SHLD2: variants seen among roughly 807,000 people sequenced by gnomAD.
SHLD2 encodes the protein RINN1-REV7-interacting novel NHEJ regulator 2.
Under a neutral mutation model 73.2 loss-of-function variants are expected in SHLD2, and 30 were observed. That is an observed-to-expected ratio of 0.41 (90% CI 0.31 to 0.56). The LOEUF (loss-of-function observed/expected upper bound fraction) is 0.56, where lower values mean the gene tolerates loss of function less well. Ranked by LOEUF, SHLD2 falls within the 20% of genes least tolerant of loss-of-function variation. SHLD2 has a pLI of 0.28. For missense variants in SHLD2, 745 were observed against 1,055.9 expected (o/e 0.71, Z 4.08); for synonymous variants, 285 against 370.1 (o/e 0.77, Z 2.64).
At chr10:87,134,976 G>A (rs912200069) in intron 2 of SHLD2, among the ~76,000 whole-genome samples, 1 of 152,140 alleles carries the variant, frequency 6.6e-6, no homozygotes, top group African/African-American at 2.4e-5. Context: ...ACCAAACTCT[G>A]ACCGTCGTGC....
chr10:87,147,632 A>T (rs1010982554), intron 2 of SHLD2, among the ~76,000 whole-genome samples: 1 of 151,942 alleles, frequency 6.6e-6, no homozygotes, highest in Non-Finnish European at 1.5e-5. Flanking sequence ...TGGGTAAGGC[A>T]ATTAGGGCAG....
At chr10:87,182,562 C>CA (rs1463286859) in intron 8 of SHLD2, among the ~76,000 whole-genome samples, 4 of 152,180 alleles carry the variant, frequency 2.6e-5, no homozygotes, top group Non-Finnish European at 5.9e-5. Flanking sequence ...TCATAAAACT[C>CA]AAATACCATT....
intron 2 of SHLD2, among the ~76,000 whole-genome samples, chr10:87,144,680 G>A (rs926170067): frequency 7.8e-6 from 1 of 127,924 alleles, no homozygotes; most frequent in Admixed American, 9.2e-5. Context: ...AGGCTGGAAT[G>A]CAGTGGCGCA....
chr10:87,122,175 A>C, intron 2 of SHLD2, among the ~76,000 whole-genome samples: 1 of 78,058 alleles, frequency 1.3e-5, no homozygotes, highest in East Asian at 2.3e-3. Context: ...CTGACTGTCA[A>C]AAAAAAAAAA....
intron 2 of SHLD2, among the ~76,000 whole-genome samples, chr10:87,134,349 T>C (rs907725336): frequency 6.6e-6 from 1 of 152,202 alleles, no homozygotes; most frequent in African/African-American, 2.4e-5. Context: ...AACCCGTGGT[T>C]GCTCTAGGAT....
chr10:87,135,703 A>G (rs1472319779), intron 2 of SHLD2, among the ~76,000 whole-genome samples: 1 of 141,116 alleles, frequency 7.1e-6, no homozygotes, highest in Non-Finnish European at 1.5e-5. Flanking sequence ...GTCTCACTGT[A>G]TTGCCTAGGC....
At chr10:87,098,505 C>T (rs1337328881) in intron 2 of SHLD2, among the ~76,000 whole-genome samples, 1 of 147,060 alleles carries the variant, frequency 6.8e-6, no homozygotes, top group Admixed American at 6.8e-5. Flanking sequence ...AAGAATGAAA[C>T]TCCATCTCAA....
chr10:87,140,277 G>A (rs1845093635), intron 2 of SHLD2, among the ~76,000 whole-genome samples: 1 of 151,848 alleles, frequency 6.6e-6, no homozygotes, highest in East Asian at 1.9e-4. Context: ...AAAATTAGCT[G>A]GGCTTGGTGG....
chr10:87,105,975 A>G (rs1842569074), intron 2 of SHLD2, among the ~76,000 whole-genome samples: 2 of 152,176 alleles, frequency 1.3e-5, no homozygotes, highest in African/African-American at 4.8e-5. Flanking sequence ...CCAGCCAGGA[A>G]GAAAGGTAGA....
intron 2 of SHLD2, among the ~76,000 whole-genome samples, chr10:87,111,680 G>A (rs959931099): frequency 2.1e-5 from 3 of 144,752 alleles, no homozygotes; most frequent in African/African-American, 7.6e-5. Flanking sequence ...GTTTCACCAT[G>A]TTGCCTAGAC....
chr10:87,101,792 C>T (rs926321304), intron 2 of SHLD2, among the ~76,000 whole-genome samples: 8 of 152,008 alleles, frequency 5.3e-5, no homozygotes, highest in Non-Finnish European at 7.4e-5. Context: ...TGCATGCTTG[C>T]AATCCCAGCT....
intron 2 of SHLD2, among the ~76,000 whole-genome samples, chr10:87,098,114 A>G (rs915786495): frequency 2.0e-5 from 3 of 152,196 alleles, no homozygotes; most frequent in East Asian, 1.9e-4. Context: ...AACAGCAGAA[A>G]TAGATTTTAG....
At chr10:87,106,078 A>G (rs1453200424) in intron 2 of SHLD2, among the ~76,000 whole-genome samples, 1 of 151,968 alleles carries the variant, frequency 6.6e-6, no homozygotes, top group African/African-American at 2.4e-5. Context: ...ATCTCGGCTC[A>G]CTGGAACCTC....
At chr10:87,163,062 T>C (rs1319422273) in intron 4 of SHLD2, among the ~76,000 whole-genome samples, 2 of 151,982 alleles carry the variant, frequency 1.3e-5, no homozygotes, top group Admixed American at 1.3e-4. Context: ...TTGCAAAATA[T>C]ATAGGAGAAT....
intron 2 of SHLD2, among the ~76,000 whole-genome samples, chr10:87,106,626 C>CT (rs1273792590): frequency 6.6e-6 from 1 of 152,194 alleles, no homozygotes; most frequent in Non-Finnish European, 1.5e-5. Context: ...TGTTTACTCT[C>CT]TTACTAGACA....
chr10:87,131,634 C>T (rs1477334806), intron 2 of SHLD2, among the ~76,000 whole-genome samples: 2 of 151,900 alleles, frequency 1.3e-5, no homozygotes, highest in African/African-American at 4.8e-5. Flanking sequence ...TGGGTTGTTT[C>T]TGCTTTTTCT....
intron 2 of SHLD2, among the ~76,000 whole-genome samples, chr10:87,106,642 A>G (rs1257705491): frequency 6.6e-6 from 1 of 152,222 alleles, no homozygotes; most frequent in Admixed American, 6.5e-5. Flanking sequence ...AGACAGGAAG[A>G]CAGAACAGAA....
chr10:87,190,913 C>T lies in SHLD2; in HGVS notation c.*230C>T. ...TACTTTCTCCTGGAGAAATGATCTA[C>T]CAGTCAAGGCAATATGTAGCAGATC... On this transcript the variant is annotated 3_prime_UTR_variant, in exon 10 of 10. Coordinates refer to ENST00000298786, the MANE Select transcript of SHLD2 (RefSeq NM_001330112.2). 1.8e-6 allele frequency: 1 copy of T among 544,758 alleles called. No individual in the cohort carries two copies. The highest frequency in any genetic ancestry group is 3.3e-6 in the Non-Finnish European group (1 of 307,022). The allele number at this position is 544,758 out of a possible 1,614,324, so 33.7% of individuals were successfully genotyped here.
rs200867480 is a variant in SHLD2 at position 87,110,380 on chromosome 10, C to T, written c.-6+13391C>T. 7.2e-5 allele frequency among the ~76,000 whole-genome samples: 11 copies of T among 152,022 alleles called. No individual in the cohort carries two copies. The East Asian group carries it at 7.7e-4, about 11-fold the overall frequency. On this transcript the variant is annotated intron_variant, in intron 2 of 9. Coordinates refer to ENST00000298786, the MANE Select transcript of SHLD2 (RefSeq NM_001330112.2). ...ATCCCAGCACTTTGGGAGGCCGAGGCGGGCGGATCACAAGGTCAAGAGTTC... is the reference window on the plus strand; with the variant it reads ...ATCCCAGCACTTTGGGAGGCCGAGGTGGGCGGATCACAAGGTCAAGAGTTC...
Sources: allele counts gnomAD v4.1 joint callset (sites outside exome capture counted in the v4.1 genomes callset), GRCh38; gene constraint gnomAD v4.1.1; transcripts MANE v1.5; gene names NCBI Gene and HGNC (gene_info 2026-07-23, HGNC 2026-07-21).